MACROD2: variants seen among roughly 807,000 people sequenced by gnomAD.
MACROD2 encodes the protein ADP-ribose glycohydrolase MACROD2.
A neutral mutation model predicts 70.4 loss-of-function variants in MACROD2; 36 were observed. The observed-to-expected ratio is 0.51, with a 90% confidence interval of 0.39 to 0.68. The LOEUF (loss-of-function observed/expected upper bound fraction) is 0.68. Among genes scored for constraint, MACROD2 ranks in the 30% least tolerant of loss-of-function variants. The probability of loss-of-function intolerance (pLI) is 0.00; values close to 1 mark genes in which losing one functional copy is unlikely to be tolerated. For synonymous variants in MACROD2, 172 were observed against 178.8 expected (o/e 0.96, Z 0.30); for missense variants, 496 against 538.4 (o/e 0.92, Z 0.78).
intron 4 of MACROD2, among the ~76,000 whole-genome samples, chr20:14,579,678 A>G (rs966796761): frequency 1.3e-5 from 2 of 152,234 alleles, no homozygotes; most frequent in African/African-American, 4.8e-5. Flanking sequence ...GTTATATTTT[A>G]AAAACTTGAA....
intron 3 of MACROD2, among the ~76,000 whole-genome samples, chr20:14,163,738 T>C (rs1301068573): frequency 6.6e-6 from 1 of 151,404 alleles, no homozygotes; most frequent in Admixed American, 6.6e-5. Flanking sequence ...TAGTTTACTA[T>C]TGAAGCTTTT....
chr20:15,382,915 A>G (rs6043245), intron 6 of MACROD2, among the ~76,000 whole-genome samples: 21,876 of 152,180 alleles, frequency 0.14, 2,557 homozygotes, highest in African/African-American at 0.32. Context: ...GAAAGGAGAA[A>G]CATAAATTCA....
intron 4 of MACROD2, among the ~76,000 whole-genome samples, chr20:14,662,178 A>G (rs1368502923): frequency 6.6e-6 from 1 of 152,168 alleles, no homozygotes; most frequent in East Asian, 1.9e-4. Flanking sequence ...GAACCCAGTA[A>G]TAAGGCCACA....
chr20:15,633,352 A>G (rs1230751882), intron 8 of MACROD2, among the ~76,000 whole-genome samples: 1 of 152,236 alleles, frequency 6.6e-6, no homozygotes, highest in African/African-American at 2.4e-5. Context: ...GAAAACAGCT[A>G]CTTTCCAATG....
At chr20:15,840,595 G>T (rs1273777650) in intron 8 of MACROD2, among the ~76,000 whole-genome samples, 1 of 152,106 alleles carries the variant, frequency 6.6e-6, no homozygotes, top group African/African-American at 2.4e-5. Flanking sequence ...GTTGAACCTG[G>T]ATGTAAAGGA....
At chr20:15,969,747 G>A (rs916311274) in intron 13 of MACROD2, among the ~76,000 whole-genome samples, 5 of 152,016 alleles carry the variant, frequency 3.3e-5, no homozygotes, top group Non-Finnish European at 7.4e-5. Flanking sequence ...GTCCCAGAAA[G>A]GAAGGAGAGA....
At chr20:14,829,098 C>T (rs144389811) in intron 5 of MACROD2, among the ~76,000 whole-genome samples, 9 of 150,858 alleles carry the variant, frequency 6.0e-5, no homozygotes, top group South Asian at 2.1e-4. Context: ...CCGCTCCCTG[C>T]TCCCCCGCCC....
At chr20:15,152,858 C>T (rs979007732) in intron 5 of MACROD2, among the ~76,000 whole-genome samples, 5 of 152,088 alleles carry the variant, frequency 3.3e-5, no homozygotes, top group South Asian at 2.1e-4. Flanking sequence ...ACGGATAAAA[C>T]GTGTCTCCTT....
At chr20:15,046,519 T>G (rs1795411848) in intron 5 of MACROD2, among the ~76,000 whole-genome samples, 1 of 152,246 alleles carries the variant, frequency 6.6e-6, no homozygotes, top group African/African-American at 2.4e-5. Context: ...GTCTGTGTTT[T>G]TGCACATGTG....
chr20:15,023,554 C>G (rs190809701), intron 5 of MACROD2, among the ~76,000 whole-genome samples: 81 of 152,250 alleles, frequency 5.3e-4, no homozygotes, highest in Non-Finnish European at 9.1e-4. Context: ...ATAATGGACT[C>G]ACAGTTCCAC....
chr20:15,396,683 G>T (rs2045864589), intron 6 of MACROD2, among the ~76,000 whole-genome samples: 1 of 152,038 alleles, frequency 6.6e-6, no homozygotes, highest in Non-Finnish European at 1.5e-5. Flanking sequence ...GTTTGTTTTG[G>T]TCTTAGTACC....
chr20:14,778,332 C>T (rs995824573), intron 5 of MACROD2, among the ~76,000 whole-genome samples: 4 of 152,104 alleles, frequency 2.6e-5, no homozygotes, highest in African/African-American at 9.7e-5. Flanking sequence ...CCATTTGGCT[C>T]TTTCACCTTC....
intron 10 of MACROD2, among the ~76,000 whole-genome samples, chr20:15,899,713 A>C (rs1261138831): frequency 1.3e-5 from 2 of 152,204 alleles, no homozygotes; most frequent in African/African-American, 2.4e-5. Flanking sequence ...AATTGCCTTT[A>C]CATAGAATAT....
chr20:15,614,106 T>A (rs1202798572), intron 8 of MACROD2, among the ~76,000 whole-genome samples: 1 of 152,250 alleles, frequency 6.6e-6, no homozygotes, highest in African/African-American at 2.4e-5. Flanking sequence ...AGTTCATTCC[T>A]GCTGTGTGAT....
At chr20:15,401,407 G>C (rs115291396) in intron 6 of MACROD2, among the ~76,000 whole-genome samples, 1,868 of 152,278 alleles carry the variant, frequency 0.012, 25 homozygotes, top group Middle Eastern at 0.034. Flanking sequence ...GGCTTTCATA[G>C]AAATGTTTTC....
At chr20:15,432,942 A>G (rs1006941948) in intron 7 of MACROD2, among the ~76,000 whole-genome samples, 1 of 152,068 alleles carries the variant, frequency 6.6e-6, no homozygotes, top group Non-Finnish European at 1.5e-5. Flanking sequence ...GGACCATAAA[A>G]TTAGAGGCTC....
intron 5 of MACROD2, among the ~76,000 whole-genome samples, chr20:15,165,504 A>G (rs921806728): frequency 6.6e-6 from 1 of 152,232 alleles, no homozygotes; most frequent in African/African-American, 2.4e-5. Flanking sequence ...GATATGATGA[A>G]CAAATAGGAT....
At chr20:14,839,343 A>G (rs1431853768) in intron 5 of MACROD2, among the ~76,000 whole-genome samples, 1 of 152,094 alleles carries the variant, frequency 6.6e-6, no homozygotes, top group Non-Finnish European at 1.5e-5. Context: ...ATCGCATGAA[A>G]GAATTTGATT....
At chr20:14,381,999 T>G (rs140223332) in intron 3 of MACROD2, among the ~76,000 whole-genome samples, 1 of 152,060 alleles carries the variant, frequency 6.6e-6, no homozygotes, top group East Asian at 1.9e-4. Flanking sequence ...AAATCAAACT[T>G]GGGCAATAAA....
Sources: gnomAD v4.1 joint callset for allele counts (sites outside exome capture counted in the v4.1 genomes callset) on GRCh38, gnomAD v4.1.1 for gene constraint, MANE v1.5 for transcripts, NCBI Gene and HGNC (gene_info 2026-07-23, HGNC 2026-07-21) for gene names.